RP1: variants seen among roughly 807,000 people sequenced by gnomAD.
RP1 encodes the protein oxygen-regulated protein 1.
RP1 carries 16 observed loss-of-function variants against 14.8 expected under a neutral mutation model. The observed-to-expected ratio is 1.08, with a 90% CI of 0.73 to 1.65. The LOEUF is 1.65. Ranked by LOEUF, RP1 falls within the 40% of genes most tolerant of loss-of-function variation. The pLI is 0.00. For missense variants in RP1, 2,631 were observed against 2,535.0 expected, an observed-to-expected ratio of 1.04 and a Z score of -0.81; for synonymous variants, 876 against 883.6, an observed-to-expected ratio of 0.99 and a Z score of 0.15.
chr8:54,587,108 G>C (rs952289354), intron 1 of RP1, among the ~76,000 whole-genome samples: 4 of 152,178 alleles, frequency 2.6e-5, no homozygotes, highest in Admixed American at 6.5e-5. Context: ...CTATAGACTG[G>C]AGCTGTTCCT....
chr8:54,844,237 C>T (rs1811861309), intron 25 of RP1, among the ~76,000 whole-genome samples: 1 of 152,178 alleles, frequency 6.6e-6, no homozygotes, highest in African/African-American at 2.4e-5. Context: ...ACCACCTTCT[C>T]TAAATTGAGG....
intron 24 of RP1, among the ~76,000 whole-genome samples, chr8:54,819,814 T>C (rs929366986): frequency 6.6e-6 from 1 of 152,142 alleles, no homozygotes; most frequent in African/African-American, 2.4e-5. Context: ...ATTCTCTCAC[T>C]TTCCCCTAAA....
At chr8:54,640,824 A>G (rs993533458) in intron 3 of RP1, among the ~76,000 whole-genome samples, 31 of 152,292 alleles carry the variant, frequency 2.0e-4, no homozygotes, top group African/African-American at 7.0e-4. Context: ...TTTTATGGCT[A>G]CTTCTGATTT....
At chr8:54,717,192 A>G (rs895309949) in intron 15 of RP1, among the ~76,000 whole-genome samples, 3 of 152,142 alleles carry the variant, frequency 2.0e-5, no homozygotes, top group Non-Finnish European at 2.9e-5. Context: ...CTCTCTCAAT[A>G]AACTTGCTTT....
chr8:54,675,795 C>T (rs1275293088), intron 8 of RP1, among the ~76,000 whole-genome samples: 1 of 151,974 alleles, frequency 6.6e-6, no homozygotes, highest in Non-Finnish European at 1.5e-5. Flanking sequence ...TCTCAAAAGA[C>T]CAGAGTAAAA....
chr8:54,794,620 G>C (rs1212955480), intron 24 of RP1, among the ~76,000 whole-genome samples: 1 of 151,908 alleles, frequency 6.6e-6, no homozygotes, highest in African/African-American at 2.4e-5. Context: ...AAAAATTCTA[G>C]AAGAGAAAGA....
intron 21 of RP1, among the ~76,000 whole-genome samples, chr8:54,758,128 A>G (rs1376171188): frequency 6.6e-6 from 1 of 152,206 alleles, no homozygotes; most frequent in Non-Finnish European, 1.5e-5. Flanking sequence ...ATAGAGTAGC[A>G]GTAGCTAACA....
At chr8:54,596,329 C>T (rs1177707878) in intron 1 of RP1, among the ~76,000 whole-genome samples, 1 of 152,178 alleles carries the variant, frequency 6.6e-6, no homozygotes, top group Non-Finnish European at 1.5e-5. Flanking sequence ...ACCTATATCA[C>T]AACTGTAAAT....
chr8:54,575,667 T>C (rs112531068), intron 1 of RP1, among the ~76,000 whole-genome samples: 231 of 152,340 alleles, frequency 1.5e-3, no homozygotes, highest in African/African-American at 5.1e-3. Flanking sequence ...GTATTTAGGT[T>C]CATGTGCTGG....
intron 1 of RP1, among the ~76,000 whole-genome samples, chr8:54,619,236 G>GT (rs984426284): frequency 9.9e-5 from 15 of 151,456 alleles, no homozygotes; most frequent in African/African-American, 2.2e-4. Context: ...ATCTTCAAAT[G>GT]TTTTTTTTTC....
downstream of RP1, among the ~76,000 whole-genome samples, chr8:54,773,647 C>CTAACTAAA (rs1809962892): frequency 6.6e-6 from 1 of 152,114 alleles, no homozygotes; most frequent in African/African-American, 2.4e-5. Flanking sequence ...AAAAAACTAA[C>CTAACTAAA]TAACTAAATA....
At chr8:54,633,737 C>CTATATATATATA (rs59614361), downstream of RP1, among the ~76,000 whole-genome samples, 108 of 118,788 alleles carry the variant, frequency 9.1e-4, no homozygotes, top group African/African-American at 3.4e-3. Flanking sequence ...CTCTCTCTCT[C>CTATATATATATA]TATATATATA....
chr8:54,563,315 G>A (rs955485600), intron 1 of RP1, among the ~76,000 whole-genome samples: 3 of 152,186 alleles, frequency 2.0e-5, no homozygotes, highest in African/African-American at 7.2e-5. Context: ...TCTGTTATGG[G>A]CTCCTCAGAG....
rs866395974 is a variant in RP1 at position 54,629,955 on chromosome 8, C to T, written c.6073C>T (p.Gln2025Ter). The change falls in exon 4 of 4, where the codon CAA becomes TAA. Residue 2025 changes from glutamine (Q) to a stop codon, truncating the protein, a stop_gained. Coordinates refer to ENST00000220676, the MANE Select transcript of RP1 (RefSeq NM_006269.2). LOFTEE classifies it low-confidence loss of function (END_TRUNC). Reference sequence around the variant, plus strand: ...GGAAGAAGGTAATTTAAAGAAATTTCAACCAGATTTGAAGGAAAGGTTTTG... The same window carrying T: ...GGAAGAAGGTAATTTAAAGAAATTTTAACCAGATTTGAAGGAAAGGTTTTG... ...LEEEGNLKKF[Q>*]PDLKERFCMN... The T allele has an allele frequency of 1.9e-6, 3 of 1,613,962 alleles. No individual in the cohort carries two copies. The highest frequency in any genetic ancestry group is 2.5e-6 in the Non-Finnish European group (3 of 1,179,946).
intron 15 of RP1, among the ~76,000 whole-genome samples, chr8:54,709,087 G>T (rs1808233696): frequency 6.6e-6 from 1 of 152,162 alleles, no homozygotes; most frequent in Admixed American, 6.5e-5. Flanking sequence ...CTTTGTCCAG[G>T]TTTGCCCACT....
chr8:54,631,762 G>T (rs879832896), downstream of RP1, among the ~76,000 whole-genome samples: 2 of 151,864 alleles, frequency 1.3e-5, no homozygotes, highest in Non-Finnish European at 2.9e-5. Context: ...AGCTTCTCAA[G>T]TAGGTGGGAC....
intron 15 of RP1, among the ~76,000 whole-genome samples, chr8:54,715,017 C>T (rs921271417): frequency 6.6e-6 from 1 of 152,192 alleles, no homozygotes; most frequent in African/African-American, 2.4e-5. Flanking sequence ...GATGTGGGCA[C>T]CACAGTGGGG....
rs556472617 is a variant in RP1, at chr8:54,860,339, AT to A, written c.4069+3240del. 2.0e-5 allele frequency among the ~76,000 whole-genome samples: 3 copies of A among 152,010 alleles called. No homozygotes were observed. In the East Asian group the frequency reaches 5.8e-4, roughly 29 times the overall value. On this transcript the variant is annotated intron_variant, in intron 27 of 28. Coordinates refer to the RP1 transcript ENST00000637698. Reference sequence around the variant, plus strand: ...GGGACAATAGTGAGATTCTCAAGTTATTTTTTTCTTTCCATTTTTAAGAAGA... The same window carrying A: ...GGGACAATAGTGAGATTCTCAAGTTATTTTTTCTTTCCATTTTTAAGAAGA...
intron 17 of RP1, among the ~76,000 whole-genome samples, chr8:54,731,032 A>G (rs1406322480): frequency 2.6e-5 from 4 of 152,120 alleles, no homozygotes; most frequent in East Asian, 1.9e-4. Flanking sequence ...CTCAAATACT[A>G]TCTTGGAATA....
Sources: allele counts gnomAD v4.1 joint callset (sites outside exome capture counted in the v4.1 genomes callset), GRCh38; gene constraint gnomAD v4.1.1; transcripts MANE v1.5; gene names NCBI Gene and HGNC (gene_info 2026-07-23, HGNC 2026-07-21).